TCF25: variants seen among roughly 807,000 people sequenced by gnomAD.
TCF25 encodes the protein TCF25 ribosome quality control complex subunit.
Under a neutral mutation model 83.1 loss-of-function variants are expected in TCF25, and 41 were observed. The ratio of observed to expected loss-of-function variants is 0.49; its 90% CI spans 0.38 to 0.64. The LOEUF (loss-of-function observed/expected upper bound fraction) is 0.64, where lower values mean the gene tolerates loss of function less well. TCF25 is among the 30% of genes least tolerant of loss of function. TCF25 has a pLI of 0.00. For missense variants in TCF25, 979 were observed against 914.5 expected (o/e 1.07, Z -0.91); for synonymous variants, 458 against 365.0 (o/e 1.25, Z -2.90).
intron 17 of TCF25, 88 bp downstream of exon 17, chr16:89,910,751 G>A: frequency 6.9e-7 from 1 of 1,444,926 alleles, no homozygotes; most frequent in Non-Finnish European, 9.7e-7. Flanking sequence ...CCTTGAACCA[G>A]GACTGTGCCA....
chr16:89,896,792 G>A (rs371600244), intron 9 of TCF25, among the ~76,000 whole-genome samples: 3 of 152,006 alleles, frequency 2.0e-5, no homozygotes, highest in South Asian at 2.1e-4. Flanking sequence ...CTGACCTTGC[G>A]ATCCACCCGC....
At chr16:89,900,286 G>C (rs1006890710) in intron 11 of TCF25, among the ~76,000 whole-genome samples, 6 of 151,996 alleles carry the variant, frequency 3.9e-5, no homozygotes, top group Admixed American at 2.0e-4. Context: ...AGACTCGCGC[G>C]GGGGTGGGCT....
At position 89,904,161 on chromosome 16, in the gene TCF25, C is replaced by T; in HGVS notation, c.1425C>T (p.Ala475=). 4 of 1,603,764 alleles carry T rather than the reference C, an allele frequency of 2.5e-6. No homozygotes were observed. The highest frequency in any genetic ancestry group is 3.4e-6 in the Non-Finnish European group (4 of 1,175,266). ...AGTCTTGCAGTGTGCGGCCCGACGC[C>T]AGCGTTTCCAGTCACCGCTTCTTTG... The part of the protein sequence containing the change: ...LLESCSVRPD[A]SVSSHRFFGP... The change falls in exon 13 of 18, where the codon GCC becomes GCT. Residue 475 remains alanine (A), a synonymous_variant. Transcript: ENST00000263346.
intron 5 of TCF25, among the ~76,000 whole-genome samples, chr16:89,888,300 A>T (rs2043166416): frequency 6.6e-6 from 1 of 151,084 alleles, no homozygotes; most frequent in East Asian, 2.0e-4. Flanking sequence ...AAATTTTAAG[A>T]TTCTAGTTTT....
chr16:89,883,246 T>TG (rs1367731281), intron 1 of TCF25, 105 bp from the exon 2 acceptor site: 1 of 1,492,300 alleles, frequency 6.7e-7, no homozygotes, highest in Non-Finnish European at 9.1e-7. Flanking sequence ...GCACTGACCC[T>TG]GGGGGTCCCC....
intron 11 of TCF25, among the ~76,000 whole-genome samples, chr16:89,899,204 A>C (rs1478958516): frequency 6.6e-6 from 1 of 152,156 alleles, no homozygotes; most frequent in Non-Finnish European, 1.5e-5. Context: ...CCTCATGGGC[A>C]GTTCAGGAAG....
intron 14 of TCF25, among the ~76,000 whole-genome samples, chr16:89,905,839 T>C (rs1229688079): frequency 2.0e-5 from 3 of 152,234 alleles, no homozygotes; most frequent in African/African-American, 4.8e-5. Flanking sequence ...CCAGTGCCTG[T>C]GCCTGTAGCC....
At chr16:89,900,952 A>C in intron 12 of TCF25, 158 bp downstream of exon 12, 1 of 870,822 alleles carries the variant, frequency 1.1e-6, no homozygotes, top group Non-Finnish European at 1.6e-6. Context: ...CCAAACCTGA[A>C]AGAGGGTCGG....
At position 89,911,248 on chromosome 16, in the gene TCF25, G is replaced by A. The variant is rs527323026; in HGVS notation, c.*10G>A. On this transcript the variant is annotated 3_prime_UTR_variant, in exon 18 of 18. Coordinates refer to ENST00000263346, the MANE Select transcript of TCF25 (RefSeq NM_014972.3). ...GGGGGAGTGGGACTGAGCGTCCGCAGAGGTGACCGAAAAGCCGTATGATGA... is the reference window on the plus strand; with the variant it reads ...GGGGGAGTGGGACTGAGCGTCCGCAAAGGTGACCGAAAAGCCGTATGATGA... 175 of 1,611,822 alleles carry A rather than the reference G, an allele frequency of 1.1e-4. 2 individuals are homozygous for A. The Middle Eastern group carries it at 1.2e-3, about 11-fold the overall frequency.
Position 89,901,363 on chromosome 16 carries a change from G to T in TCF25, c.1381+569G>T, listed in dbSNP as rs886890778. Among the ~76,000 whole-genome samples, 7 of 152,194 alleles carry T rather than the reference G, an allele frequency of 4.6e-5. No individual in the cohort carries two copies. In the East Asian group the frequency reaches 9.6e-4, roughly 21 times the overall value. On this transcript the variant is annotated intron_variant, in intron 12 of 17. Transcript: ENST00000263346. Reference sequence around the variant, plus strand: ...TCCCTCTTTAAGATGGGCCTCCTCCGAGGAGCTGTGAGGGGTGAGGGTGAA... The same window carrying T: ...TCCCTCTTTAAGATGGGCCTCCTCCTAGGAGCTGTGAGGGGTGAGGGTGAA...
At chr16:89,909,440 G>A (rs2045353244) in intron 16 of TCF25, 1 of 234,080 alleles carries the variant, frequency 4.3e-6, no homozygotes, top group Non-Finnish European at 8.7e-6. Flanking sequence ...GAACCCGGGA[G>A]GCACAGGTTG....
chr16:89,882,036 C>T (rs55703708), intron 1 of TCF25, among the ~76,000 whole-genome samples: 33,144 of 151,982 alleles, frequency 0.22, 4,568 homozygotes, highest in East Asian at 0.58. Flanking sequence ...TACAGGGGTG[C>T]ACCGCCACCG....
intron 12 of TCF25, among the ~76,000 whole-genome samples, chr16:89,901,363 G>A (rs886890778): frequency 1.2e-4 from 18 of 152,194 alleles, no homozygotes; most frequent in Admixed American, 6.5e-4. Context: ...GGCCTCCTCC[G>A]AGGAGCTGTG....
chr16:89,884,694 C>G (rs1241577906), intron 3 of TCF25, 38 bp downstream of exon 3: 1 of 1,592,572 alleles, frequency 6.3e-7, no homozygotes, highest in Admixed American at 1.7e-5. Context: ...TGTCCCTCTG[C>G]CTGACGCCCC....
intron 12 of TCF25, among the ~76,000 whole-genome samples, chr16:89,903,887 G>T (rs1432980532): frequency 1.3e-5 from 2 of 152,150 alleles, no homozygotes; most frequent in Non-Finnish European, 2.9e-5. Flanking sequence ...GGGGGCCCTG[G>T]CAGCCTCCTT....
chr16:89,910,409 G>C (rs1316435073), intron 16 of TCF25, 182 bp from the exon 17 acceptor site: 1 of 631,400 alleles, frequency 1.6e-6, no homozygotes, highest in Admixed American at 2.6e-5. Context: ...CTAAGCTGAT[G>C]AGGAAGCCTC....
At chr16:89,880,509 G>A (rs191340577) in intron 1 of TCF25, among the ~76,000 whole-genome samples, 19 of 152,090 alleles carry the variant, frequency 1.2e-4, no homozygotes, top group Admixed American at 3.3e-4. Context: ...ACTTGAATCC[G>A]GGAGGCGGAG....
At chr16:89,884,258 C>T (rs1487524213) in intron 2 of TCF25, among the ~76,000 whole-genome samples, 1 of 152,158 alleles carries the variant, frequency 6.6e-6, no homozygotes, top group African/African-American at 2.4e-5. Flanking sequence ...CAGGGCACAG[C>T]AAGGCCCCCG....
At chr16:89,879,894 A>G (rs9925887) in intron 1 of TCF25, among the ~76,000 whole-genome samples, 1,514 of 69,274 alleles carry the variant, frequency 0.022, 10 homozygotes, top group Middle Eastern at 0.16. Flanking sequence ...TGGGCTTCGG[A>G]GCCTGTCACA....
Sources: allele counts gnomAD v4.1 joint callset (sites outside exome capture counted in the v4.1 genomes callset), GRCh38; gene constraint gnomAD v4.1.1; transcripts MANE v1.5; gene names NCBI Gene and HGNC (gene_info 2026-07-23, HGNC 2026-07-21).